NOL6: variants seen among roughly 807,000 people sequenced by gnomAD.
NOL6 encodes the protein nucleolar protein 6, also known as nucleolar RNA-associated protein.
Under a neutral mutation model 131.7 loss-of-function variants are expected in NOL6, and 33 were observed. That is an observed-to-expected ratio of 0.25 (90% CI 0.19 to 0.33). NOL6 has a LOEUF of 0.33. Ranked by LOEUF, NOL6 falls within the 10% of genes least tolerant of loss-of-function variation. The pLI is 1.00. For missense variants in NOL6, 1,297 were observed against 1,494.5 expected (o/e 0.87, Z 2.18); for synonymous variants, 580 against 605.7 (o/e 0.96, Z 0.62).
chr9:33,473,533 G>A (rs910071597), intron 1 of NOL6, among the ~76,000 whole-genome samples: 2 of 152,212 alleles, frequency 1.3e-5, no homozygotes, highest in Non-Finnish European at 2.9e-5. Context: ...CGACCCAAGT[G>A]TGGGTCTCTT....
Position 33,464,094 on chromosome 9 carries a change from A to C in NOL6, c.2847T>G (p.Ile949Met), listed in dbSNP as rs778582534. ...AGTTTTTGCGGTCTTGGGGGGTAAC[A>C]ATGACCATGACGGGGAGCTGTGCCC... ...AARAQLPVMV[I>M]VTPQDRKNSV... Residue 949 changes from isoleucine (I) to methionine (M), a missense_variant, in exon 22 of 26, where the codon ATT (isoleucine) becomes ATG (methionine). Transcript: ENST00000297990. 1 of 1,613,624 alleles carries C rather than the reference A, an allele frequency of 6.2e-7. No individual in the cohort carries two copies. Among genetic ancestry groups the C allele is most frequent in the South Asian group, 1.1e-5 (1 of 91,016 alleles).
At position 33,464,524 on chromosome 9, in the gene NOL6, A is replaced by G. The variant is rs535511551; in HGVS notation, c.2779+355T>C. 1.8e-4 allele frequency among the ~76,000 whole-genome samples: 27 copies of G among 151,934 alleles called. 1 individual carries two copies. The highest frequency in any genetic ancestry group is 6.3e-4 in the African/African-American group (26 of 41,432). On this transcript the variant is annotated intron_variant, in intron 21 of 25. Transcript: ENST00000297990. Reference sequence around the variant, plus strand: ...CAGAGACCGAGTGCCTCACGTTACAACCAGAAATCACCACTCCCACCCCCA... The same window carrying G: ...CAGAGACCGAGTGCCTCACGTTACAGCCAGAAATCACCACTCCCACCCCCA...
chr9:33,472,863 C>G (rs572710411), intron 1 of NOL6, among the ~76,000 whole-genome samples: 8 of 151,520 alleles, frequency 5.3e-5, no homozygotes, highest in African/African-American at 1.9e-4. Flanking sequence ...ATCTCAGCTA[C>G]GCGGGAGACT....
rs750087433 is a variant in NOL6, at chr9:33,465,363, CAG to C, written c.2529-6_2529-5del. On this transcript the variant is annotated splice_region_variant and splice_polypyrimidine_tract_variant and intron_variant, in intron 19 of 25. Coordinates refer to ENST00000297990, the MANE Select transcript of NOL6 (RefSeq NM_022917.5). ...GGCTGGGTGCTGCTGCTGCAGTCTG[CAG>C]AGAGAAGGGGAGTGTCAGCGAGACT... 1 of 1,583,436 alleles carries C rather than the reference CAG, an allele frequency of 6.3e-7. No homozygotes were observed. Among genetic ancestry groups the C allele is most frequent in the East Asian group, 2.3e-5 (1 of 43,448 alleles).
rs755082178 is a variant in NOL6 at position 33,463,398 on chromosome 9, C to A, written c.3038G>T (p.Arg1013Leu). 8 of 1,613,876 alleles carry A rather than the reference C, an allele frequency of 5.0e-6. No individual in the cohort carries two copies. Among genetic ancestry groups the A allele is most frequent in the Non-Finnish European group, 6.8e-6 (8 of 1,179,888 alleles). ...PPLDIYDVLI[R>L]LSPRHIPRHR... ...CCGCGGGATATGGCGAGGAGACAGGCGAATCAGCACGTCGTAAATGTCCAA... is the reference window on the plus strand; with the variant it reads ...CCGCGGGATATGGCGAGGAGACAGGAGAATCAGCACGTCGTAAATGTCCAA... Residue 1013 changes from arginine (R) to leucine (L), a missense_variant, in exon 24 of 26, where the codon CGC becomes CTC. Arg to Leu is a moderately radical substitution (Grantham distance 102). Transcript: ENST00000297990.
In NOL6 at chr9:33,469,107, G is replaced by A. The variant is rs1827335194; in HGVS notation, c.877C>T (p.Pro293Ser). The A allele has an allele frequency of 6.2e-7, 1 of 1,614,182 alleles. No individual in the cohort carries two copies. The highest frequency in any genetic ancestry group is 8.5e-7 in the Non-Finnish European group (1 of 1,180,044). ...ACCCATGTGTTATAGCGGGGGGTAG[G>A]AGGCTCTGGGCTACCTGTGGGATGA... ...SPAGDGSPEP[P>S]TPRYNTWVLQ... Residue 293 changes from proline (P) to serine (S), a missense_variant, in exon 7 of 26, where the codon CCT becomes TCT. Pro to Ser is a moderately conservative substitution (Grantham distance 74). Transcript: ENST00000297990.
At chr9:33,466,789 A>G in intron 15 of NOL6, 80 bp from the exon 16 acceptor site, 1 of 1,583,544 alleles carries the variant, frequency 6.3e-7, no homozygotes, top group Non-Finnish European at 8.6e-7. Flanking sequence ...CTCAGGCTGC[A>G]GCAGAGCCAG....
At chr9:33,464,768 C>T in intron 21 of NOL6, 111 bp downstream of exon 21, 1 of 730,156 alleles carries the variant, frequency 1.4e-6, no homozygotes, top group Non-Finnish European at 2.4e-6. Context: ...CAGGCTTAGA[C>T]ATCTGGGGCT....
At chr9:33,465,022 C>T in intron 20 of NOL6, 46 bp from the exon 21 acceptor site, 2 of 1,530,846 alleles carry the variant, frequency 1.3e-6, no homozygotes, top group South Asian at 2.3e-5. Context: ...AGCCACATAT[C>T]CCCAGGCTTC....
Position 33,463,063 on chromosome 9 carries a change from C to G in NOL6, c.3261G>C (p.Lys1087Asn). 6.2e-7 allele frequency: 1 copy of G among 1,613,838 alleles called. No individual in the cohort carries two copies. The highest frequency in any genetic ancestry group is 8.5e-7 in the Non-Finnish European group (1 of 1,179,888). The change falls in exon 25 of 26, where the codon AAG becomes AAC. Residue 1087 changes from lysine (K) to asparagine (N), a missense_variant. Transcript: ENST00000297990. ...HGGEVIGVLW[K>N]PTSFQPQPFK... ...AGGGCTGCGGCTGGAAGCTGGTGGG[C>G]TTCCAGAGGACACCAATCACCTCTC...
In NOL6 at chr9:33,470,061, G is replaced by A. The variant is rs747524059; in HGVS notation, c.509C>T (p.Thr170Ile). 35 of 1,612,054 alleles carry A rather than the reference G, an allele frequency of 2.2e-5. No individual in the cohort carries two copies. The highest frequency in any genetic ancestry group is 4.4e-5 in the South Asian group (4 of 90,820). The change falls in exon 4 of 26, where the codon ACC (threonine) becomes ATC (isoleucine). Residue 170 changes from threonine to isoleucine, a missense_variant. Transcript: ENST00000297990. ...VTVVGSYLLG[T>I]CIRPDINVDV... ...CACATTGATGTCTGGTCGGATGCAG[G>A]TGCCCAGAAGGTAGCTGCCCACAAC...
At chr9:33,465,076 G>A (rs1827202207) in intron 20 of NOL6, 100 bp from the exon 21 acceptor site, 12 of 1,440,160 alleles carry the variant, frequency 8.3e-6, no homozygotes, top group Non-Finnish European at 1.1e-5. Flanking sequence ...GATTGGCAGG[G>A]CAGGGCATCT....
At chr9:33,473,736 C>T in intron 1 of NOL6, 53 bp downstream of exon 1, 2 of 1,597,052 alleles carry the variant, frequency 1.3e-6, no homozygotes, top group Middle Eastern at 1.7e-4. Context: ...TCGGGCCCTG[C>T]AGCCAAGGGA....
Position 33,466,900 on chromosome 9 carries a change from C to G in NOL6, c.1950+12G>C, listed in dbSNP as rs1199941968. On this transcript the variant is annotated intron_variant, in intron 15 of 25. Transcript: ENST00000297990. ...ACTCTACAATCACTAGCCTTGACCC[C>G]AAGACCCTTACCTCTTTCAGGCCTT... 2 of 1,613,220 alleles carry G rather than the reference C, an allele frequency of 1.2e-6. No homozygotes were observed. Among genetic ancestry groups the G allele is most frequent in the East Asian group, 4.5e-5 (2 of 44,904 alleles).
chr9:33,470,703 C>G (rs1256325436), intron 3 of NOL6: 1 of 151,524 alleles, frequency 6.6e-6, no homozygotes, highest in African/African-American at 2.4e-5. Context: ...AAAGAATACC[C>G]ATTTTACTAC....
chr9:33,463,432 G>T lies in NOL6; in HGVS notation c.3004C>A (p.Arg1002=). ...ACGTCGTAAATGTCCAAGGGCGGCC[G>T]GAACACTGTCTAAGGAAGGGGAGAA... ...RGPGDIRTVF[R]PPLDIYDVLI... The change falls in exon 24 of 26, where the codon CGG becomes AGG. Residue 1002 remains arginine, a synonymous_variant. Transcript: ENST00000297990. 6.2e-7 allele frequency: 1 copy of T among 1,610,790 alleles called. No homozygotes were observed. The highest frequency in any genetic ancestry group is 8.5e-7 in the Non-Finnish European group (1 of 1,178,260).
chr9:33,470,219 C>T (rs770441379), intron 3 of NOL6, 28 bp from the exon 4 acceptor site: 2 of 1,500,474 alleles, frequency 1.3e-6, no homozygotes, highest in Admixed American at 4.3e-5. Context: ...GGGACACATA[C>T]TGATTCAACT....
At chr9:33,469,950 G>T in intron 4 of NOL6, 62 bp downstream of exon 4, 2 of 1,452,502 alleles carry the variant, frequency 1.4e-6, no homozygotes, top group South Asian at 1.4e-5. Flanking sequence ...ATAAGAAAGA[G>T]GGATCCAGGA....
At position 33,467,784 on chromosome 9, in the gene NOL6, G is replaced by C. The variant is rs149496501; in HGVS notation, c.1509C>G (p.Val503=). The C allele has an allele frequency of 2.3e-5, 37 of 1,611,550 alleles. No homozygotes were observed. Among genetic ancestry groups the C allele is most frequent in the Non-Finnish European group, 2.9e-5 (34 of 1,179,052 alleles). The part of the protein sequence containing the change: ...PELQDNGGDY[V]SAALGPLTTL... Reference sequence around the variant, plus strand: ...TGGTCAGGGGGCCCAAAGCAGCTGAGACATAGTCCCCACCATTGTCCTGCA... The same window carrying C: ...TGGTCAGGGGGCCCAAAGCAGCTGACACATAGTCCCCACCATTGTCCTGCA... The change falls in exon 12 of 26, where the codon GTC becomes GTG. Residue 503 remains valine (V), a synonymous_variant. Transcript: ENST00000297990. The surrounding 1 kb of genome is among the most constrained non-coding windows in gnomAD (Gnocchi z 4.4).
Sources: allele counts gnomAD v4.1 joint callset (sites outside exome capture counted in the v4.1 genomes callset), GRCh38; gene constraint gnomAD v4.1.1; non-coding constraint Gnocchi (gnomAD v3.1); transcripts MANE v1.5; gene names NCBI Gene and HGNC (gene_info 2026-07-23, HGNC 2026-07-21).